The following KDM4C variants were observed in gnomAD, a reference collection of about 807,000 sequenced individuals.
KDM4C encodes the protein lysine-specific demethylase 4C.
Under a neutral mutation model 129.3 loss-of-function variants are expected in KDM4C, and 81 were observed. That is an observed-to-expected ratio of 0.63 (90% CI 0.52 to 0.75). The LOEUF is 0.75. KDM4C is among the 30% of genes least tolerant of loss of function. The probability of loss-of-function intolerance (pLI) is 0.00; values close to 1 mark genes in which losing one functional copy is unlikely to be tolerated. For missense variants in KDM4C, 1,457 were observed against 1,304.0 expected (o/e 1.12, Z -1.81); for synonymous variants, 573 against 456.1 (o/e 1.26, Z -3.26).
intron 5 of KDM4C, among the ~76,000 whole-genome samples, chr9:6,862,528 TGTG>T (rs1395425402): frequency 1.3e-5 from 2 of 152,088 alleles, no homozygotes; most frequent in African/African-American, 4.8e-5. Context: ...TCAGGCTGGG[TGTG>T]GTGGCTCACA....
In KDM4C at chr9:6,925,403, C is replaced by CTTCCCT. The variant is rs1024120246; in HGVS notation, c.921+32183_921+32188dup. ...GTAAATTAAAAGCTTTTTTTCTTTC[C>CTTCCCT]TTCCCTTTCCCTTTCCCCTTCCTCC... On this transcript the variant is annotated intron_variant, in intron 8 of 21. Transcript: ENST00000381309. The CTTCCCT allele has an allele frequency of 3.1e-6, 3 of 981,970 alleles. No individual in the cohort carries two copies. The African/African-American group carries it at 5.3e-5, about 17-fold the overall frequency. The allele number at this position is 981,970 out of a possible 1,614,324, so 60.8% of individuals were successfully genotyped here.
rs1212015761 is a variant in KDM4C at position 6,858,927 on chromosome 9, ATTTG to A, written c.629+9230_629+9233del. 3.9e-5 allele frequency among the ~76,000 whole-genome samples: 6 copies of A among 151,904 alleles called. 1 individual carries two copies. The highest frequency in any genetic ancestry group is 5.9e-5 in the Non-Finnish European group (4 of 67,990). ...TGGTAGAAAATGCATGCAATTTAAT[ATTTG>A]TTATGCAAAAATTGTTATTTGCCCA... On this transcript the variant is annotated intron_variant, in intron 5 of 21. Transcript: ENST00000381309.
intron 8 of KDM4C, among the ~76,000 whole-genome samples, chr9:6,933,891 C>G (rs1390741419): frequency 7.2e-6 from 1 of 139,560 alleles, no homozygotes; most frequent in Admixed American, 7.0e-5. Context: ...ACTTTGTCAC[C>G]CAGGCTGAAG....
At chr9:6,931,963 CTG>C (rs1422365624) in intron 8 of KDM4C, among the ~76,000 whole-genome samples, 1 of 152,202 alleles carries the variant, frequency 6.6e-6, no homozygotes, top group African/African-American at 2.4e-5. Flanking sequence ...AGTGCCCTGG[CTG>C]TGCCCTGCAG....
intron 5 of KDM4C, among the ~76,000 whole-genome samples, chr9:6,862,374 G>A (rs1423988818): frequency 6.6e-6 from 1 of 152,016 alleles, no homozygotes; most frequent in Non-Finnish European, 1.5e-5. Flanking sequence ...TAATATTTCA[G>A]GCTTTGTGTA....
Position 6,834,043 on chromosome 9 carries a change from C to CTTTTTTTTT in KDM4C, c.436-15457_436-15449dup, listed in dbSNP as rs71487860. 3.1e-4 allele frequency among the ~76,000 whole-genome samples: 34 copies of CTTTTTTTTT among 109,454 alleles called. 2 individuals carry two copies. The highest frequency in any genetic ancestry group is 1.0e-3 in the African/African-American group (27 of 26,884). 71.8% of individuals were successfully genotyped at this position (109,454 alleles called of 152,430 possible). A position where few individuals can be genotyped will look rare whatever the true frequency, so the allele number is the denominator to read the frequency against. ...CATGGGATATGACTCAAGAGATAGT[C>CTTTTTTTTT]TTTTTTTTTTTTTTTAAGATAGTCT... On this transcript the variant is annotated intron_variant, in intron 4 of 21. Transcript: ENST00000381309.
chr9:6,789,244 G>T lies in KDM4C; in HGVS notation c.-17-3728G>T, dbSNP rs4740857. Reference sequence around the variant, plus strand: ...TTTTTTTTTTTTTTTTTTTGAGATGGCGTTTTGCTCTTGTTGCCCAGGCTG... The same window carrying T: ...TTTTTTTTTTTTTTTTTTTGAGATGTCGTTTTGCTCTTGTTGCCCAGGCTG... On this transcript the variant is annotated intron_variant, in intron 1 of 21. Transcript: ENST00000381309. Among the ~76,000 whole-genome samples the T allele has an allele frequency of 9.7e-3, 1,304 of 134,674 alleles. 80 individuals carry two copies. The highest frequency in any genetic ancestry group is 0.092 in the Admixed American group (1,200 of 13,056). 88.4% of individuals were successfully genotyped at this position (134,674 alleles called of 152,430 possible).
intron 8 of KDM4C, among the ~76,000 whole-genome samples, chr9:6,907,603 G>T (rs1818553224): frequency 6.6e-6 from 1 of 152,074 alleles, no homozygotes; most frequent in African/African-American, 2.4e-5. Context: ...TTACTCATAG[G>T]ACTTTTTCAG....
At chr9:7,136,221 C>G (rs1841192120) in intron 19 of KDM4C, among the ~76,000 whole-genome samples, 1 of 152,198 alleles carries the variant, frequency 6.6e-6, no homozygotes, top group Non-Finnish European at 1.5e-5. Flanking sequence ...TTTTGTTTAT[C>G]CATTCACCAG....
chr9:6,840,884 G>T (rs1024206870), intron 4 of KDM4C, among the ~76,000 whole-genome samples: 1 of 152,196 alleles, frequency 6.6e-6, no homozygotes, highest in Non-Finnish European at 1.5e-5. Context: ...CATGTCCCCA[G>T]CTCTACAGTT....
intron 17 of KDM4C, among the ~76,000 whole-genome samples, chr9:7,092,829 C>A (rs1467773076): frequency 6.6e-6 from 1 of 152,082 alleles, no homozygotes; most frequent in African/African-American, 2.4e-5. Flanking sequence ...TTGCACACAT[C>A]TGCTTGGGTA....
intron 19 of KDM4C, among the ~76,000 whole-genome samples, chr9:7,143,442 A>C (rs952867236): frequency 6.6e-6 from 1 of 152,214 alleles, no homozygotes; most frequent in Admixed American, 6.5e-5. Flanking sequence ...AGGTTCATTA[A>C]CTGTCAGAAA....
chr9:6,751,196 A>G (rs1818053467), intron 1 of KDM4C, among the ~76,000 whole-genome samples: 1 of 152,216 alleles, frequency 6.6e-6, no homozygotes. Context: ...CTGTAATCCC[A>G]GCACTTTGGG....
chr9:6,849,236 C>T (rs1244686067), intron 4 of KDM4C, among the ~76,000 whole-genome samples: 1 of 152,168 alleles, frequency 6.6e-6, no homozygotes, highest in Non-Finnish European at 1.5e-5. Flanking sequence ...GGGTCTGTAA[C>T]TTTCATTTCC....
chr9:6,904,230 C>T (rs1222838667), intron 8 of KDM4C, among the ~76,000 whole-genome samples: 1 of 151,558 alleles, frequency 6.6e-6, no homozygotes, highest in Non-Finnish European at 1.5e-5. Context: ...CAGAGTGAGA[C>T]TCCATCTCAA....
At chr9:7,007,897 A>C (rs901237134) in intron 12 of KDM4C, among the ~76,000 whole-genome samples, 10 of 152,218 alleles carry the variant, frequency 6.6e-5, no homozygotes, top group Admixed American at 2.0e-4. Flanking sequence ...CATAAAAAAT[A>C]ATTAGAAACA....
intron 5 of KDM4C, among the ~76,000 whole-genome samples, chr9:6,860,194 G>A (rs568192713): frequency 6.6e-6 from 1 of 152,098 alleles, no homozygotes; most frequent in East Asian, 1.9e-4. Flanking sequence ...CAGGTGATGG[G>A]GATGGGGGGG....
At chr9:6,941,343 C>G (rs1356001023) in intron 8 of KDM4C, among the ~76,000 whole-genome samples, 1 of 152,058 alleles carries the variant, frequency 6.6e-6, no homozygotes, top group Non-Finnish European at 1.5e-5. Context: ...TGGAAAATGT[C>G]TGTTTACATT....
At chr9:6,807,543 G>T (rs1830247016) in intron 3 of KDM4C, among the ~76,000 whole-genome samples, 1 of 149,292 alleles carries the variant, frequency 6.7e-6, no homozygotes, top group Admixed American at 6.7e-5. Flanking sequence ...CGCCCCATCT[G>T]GGATGTGAGG....
Sources: gnomAD v4.1 joint callset for allele counts (sites outside exome capture counted in the v4.1 genomes callset) on GRCh38, gnomAD v4.1.1 for gene constraint, MANE v1.5 for transcripts, NCBI Gene and HGNC (gene_info 2026-07-23, HGNC 2026-07-21) for gene names.